The following THSD4 variants were observed in gnomAD, a reference collection of about 807,000 sequenced individuals.
THSD4 encodes thrombospondin type-1 domain-containing protein 4.
In THSD4, 69 loss-of-function variants were observed where a neutral mutation model predicts 119.0. The ratio of observed to expected loss-of-function variants is 0.58; its 90% CI spans 0.48 to 0.71. The LOEUF (loss-of-function observed/expected upper bound fraction) is 0.71, where lower values mean the gene tolerates loss of function less well. Ranked by LOEUF, THSD4 falls within the 30% of genes least tolerant of loss-of-function variation. THSD4 has a pLI of 0.00. For missense variants in THSD4, 1,393 were observed against 1,391.1 expected (o/e 1.00, Z -0.02); for synonymous variants, 524 against 540.4 (o/e 0.97, Z 0.42).
chr15:71,307,613 A>T (rs2045048517), intron 6 of THSD4, among the ~76,000 whole-genome samples: 1 of 152,130 alleles, frequency 6.6e-6, no homozygotes, highest in African/African-American at 2.4e-5. Flanking sequence ...TACTAAAAAT[A>T]CAAAAATTAG....
At chr15:71,362,672 T>C (rs2045907209) in intron 6 of THSD4, among the ~76,000 whole-genome samples, 1 of 152,174 alleles carries the variant, frequency 6.6e-6, no homozygotes, top group Non-Finnish European at 1.5e-5. Context: ...TTGCAATAAA[T>C]AAATTAATTT....
chr15:71,271,620 A>G (rs1428579868), intron 6 of THSD4, among the ~76,000 whole-genome samples: 2 of 152,220 alleles, frequency 1.3e-5, no homozygotes, highest in African/African-American at 2.4e-5. Flanking sequence ...ATTGTATATA[A>G]TATAAACTAT....
chr15:71,753,534 C>T (rs968014818), intron 14 of THSD4, among the ~76,000 whole-genome samples: 1 of 152,236 alleles, frequency 6.6e-6, no homozygotes, highest in Non-Finnish European at 1.5e-5. Context: ...AATGAGAAGG[C>T]AGTCCCCACC....
intron 7 of THSD4, among the ~76,000 whole-genome samples, chr15:71,518,576 G>T (rs2048394312): frequency 6.6e-6 from 1 of 152,134 alleles, no homozygotes; most frequent in Non-Finnish European, 1.5e-5. Flanking sequence ...ATGATGTTTT[G>T]AGTGCTTGGA....
At chr15:71,252,516 C>T (rs370826855) in intron 5 of THSD4, among the ~76,000 whole-genome samples, 34 of 152,346 alleles carry the variant, frequency 2.2e-4, no homozygotes, top group African/African-American at 6.0e-4. Context: ...CGCCAGGCCT[C>T]GGGGGCTGAT....
At chr15:71,143,185 T>C (rs1385809654) in intron 2 of THSD4, among the ~76,000 whole-genome samples, 2 of 152,172 alleles carry the variant, frequency 1.3e-5, no homozygotes, top group African/African-American at 4.8e-5. Context: ...TGTATGATAT[T>C]GAGCCACGAG....
At chr15:71,221,186 C>A (rs768946097) in intron 4 of THSD4, among the ~76,000 whole-genome samples, 2 of 152,144 alleles carry the variant, frequency 1.3e-5, no homozygotes, top group East Asian at 1.9e-4. Context: ...GAAATGGGTA[C>A]CTGTAGACTA....
chr15:71,396,222 T>C (rs1473888720), intron 6 of THSD4, among the ~76,000 whole-genome samples: 2 of 151,752 alleles, frequency 1.3e-5, no homozygotes, highest in African/African-American at 4.8e-5. Flanking sequence ...CACCCACATA[T>C]CTATACCATA....
At position 71,745,387 on chromosome 15, in the gene THSD4, C is replaced by T. The variant is rs2053316214; in HGVS notation, c.2036+152C>T. On this transcript the variant is annotated intron_variant, in intron 12 of 17. Coordinates refer to ENST00000261862, the MANE Select transcript of THSD4 (RefSeq NM_024817.3). ...TAAAATGCAGTCTGTTTAGCAGGCACACCTGTCTTTCAGGATGAACTCAGG... is the reference window on the plus strand; with the variant it reads ...TAAAATGCAGTCTGTTTAGCAGGCATACCTGTCTTTCAGGATGAACTCAGG... 6 of 1,075,940 alleles carry T rather than the reference C, an allele frequency of 5.6e-6. No homozygotes were observed. The South Asian group carries it at 1.0e-4, about 19-fold the overall frequency. The allele number at this position is 1,075,940 out of a possible 1,614,324, so 66.6% of individuals were successfully genotyped here. A position where few individuals can be genotyped will look rare whatever the true frequency, so the allele number is the denominator to read the frequency against.
At chr15:71,584,874 T>TGAGG (rs1478198217) in intron 7 of THSD4, among the ~76,000 whole-genome samples, 1 of 152,168 alleles carries the variant, frequency 6.6e-6, no homozygotes, top group Non-Finnish European at 1.5e-5. Context: ...CTAGTTTTTA[T>TGAGG]CTTCATGATT....
intron 6 of THSD4, among the ~76,000 whole-genome samples, chr15:71,395,954 A>C (rs7495681): frequency 0.34 from 37,009 of 107,760 alleles, 4,901 homozygotes; most frequent in South Asian, 0.38. Flanking sequence ...CACACACACA[A>C]ACACAGACTT....
chr15:71,517,342 T>C (rs2048375779), intron 7 of THSD4, among the ~76,000 whole-genome samples: 1 of 152,166 alleles, frequency 6.6e-6, no homozygotes, highest in African/African-American at 2.4e-5. Flanking sequence ...CTCTTCAGTG[T>C]GTGTCTGTGT....
chr15:71,136,366 A>C (rs1295208086), intron 1 of THSD4, among the ~76,000 whole-genome samples: 2 of 152,128 alleles, frequency 1.3e-5, no homozygotes, highest in Admixed American at 1.3e-4. Flanking sequence ...GAGTTTGCGT[A>C]AATGTCAGCA....
intron 7 of THSD4, among the ~76,000 whole-genome samples, chr15:71,495,078 T>C (rs1455645116): frequency 4.6e-5 from 7 of 152,194 alleles, no homozygotes; most frequent in African/African-American, 1.7e-4. Flanking sequence ...AATTTATTGC[T>C]TTTCAGAAAG....
At chr15:71,149,038 A>G (rs917110668) in intron 2 of THSD4, among the ~76,000 whole-genome samples, 1 of 143,004 alleles carries the variant, frequency 7.0e-6, no homozygotes, top group Non-Finnish European at 1.5e-5. Context: ...TGCTGCCTTT[A>G]CTTTTTTTTT....
At chr15:71,332,260 C>T (rs1055253141) in intron 6 of THSD4, among the ~76,000 whole-genome samples, 1 of 152,154 alleles carries the variant, frequency 6.6e-6, no homozygotes, top group Non-Finnish European at 1.5e-5. Flanking sequence ...CAGCTGGAGC[C>T]GTTGGTCAAT....
chr15:71,352,282 A>C (rs1396404258), intron 6 of THSD4, among the ~76,000 whole-genome samples: 1 of 152,218 alleles, frequency 6.6e-6, no homozygotes, highest in Non-Finnish European at 1.5e-5. Flanking sequence ...CAGCCAGGTT[A>C]AGGTTTGATG....
intron 7 of THSD4, among the ~76,000 whole-genome samples, chr15:71,433,543 T>C (rs1368416805): frequency 6.6e-6 from 1 of 151,578 alleles, no homozygotes; most frequent in Non-Finnish European, 1.5e-5. Flanking sequence ...AACTAAGGCC[T>C]CTGAGATACT....
intron 3 of THSD4, chr15:71,165,321 T>G: frequency 6.3e-7 from 1 of 1,578,484 alleles, no homozygotes; most frequent in Non-Finnish European, 8.7e-7. Context: ...GACTGAAGCA[T>G]CTGGGTGCTT....
Sources: gnomAD v4.1 joint callset for allele counts (sites outside exome capture counted in the v4.1 genomes callset) on GRCh38, gnomAD v4.1.1 for gene constraint, MANE v1.5 for transcripts, NCBI Gene and HGNC (gene_info 2026-07-23, HGNC 2026-07-21) for gene names.